The following CUBN variants were observed in gnomAD, a reference collection of about 807,000 sequenced individuals.
The protein encoded by CUBN is 460 kDa receptor.
In CUBN, 282 loss-of-function variants were observed where a neutral mutation model predicts 405.3. That is an observed-to-expected ratio of 0.70 (90% CI 0.63 to 0.77). CUBN has a LOEUF of 0.77. CUBN is among the 30% of genes least tolerant of loss of function. The probability of loss-of-function intolerance (pLI) is 0.00; values close to 1 mark genes in which losing one functional copy is unlikely to be tolerated. For synonymous variants in CUBN, 1,684 were observed against 1,617.0 expected (o/e 1.04, Z -0.99); for missense variants, 4,514 against 4,475.2 (o/e 1.01, Z -0.25).
rs1836356189 is a variant in CUBN at position 17,095,593 on chromosome 10, G to T, written c.1765+4412C>A. On this transcript the variant is annotated intron_variant, in intron 14 of 66. Transcript: ENST00000377833. ...TTGTTAGAATGGCCATTATCGAGAA[G>T]ATAAAAGACAACAAGTATTGATGAG... 2.0e-5 allele frequency among the ~76,000 whole-genome samples: 3 copies of T among 151,950 alleles called. No homozygotes were observed. In the South Asian group the frequency reaches 6.2e-4, roughly 31 times the overall value.
rs559594298 is a variant in CUBN at position 17,086,526 on chromosome 10, TA to T, written c.1948-768del. Among the ~76,000 whole-genome samples the T allele has an allele frequency of 3.7e-4, 56 of 152,284 alleles. 3 individuals are homozygous for T. In the South Asian group the frequency reaches 0.011, roughly 30 times the overall value. On this transcript the variant is annotated intron_variant, in intron 15 of 66. Transcript: ENST00000377833. ...CAACAGAAAGACAGGTTAGTGAATT[TA>T]AAAATGCAACTTTGATAGTAAGTAA...
At chr10:16,945,770 A>C (rs1250856458) in intron 36 of CUBN, among the ~76,000 whole-genome samples, 2 of 146,836 alleles carry the variant, frequency 1.4e-5, no homozygotes, top group African/African-American at 5.1e-5. Flanking sequence ...GTGTCTCCAA[A>C]AAAAAAAAAA....
chr10:16,969,727 G>T (rs577702068), intron 31 of CUBN, among the ~76,000 whole-genome samples: 1 of 152,200 alleles, frequency 6.6e-6, no homozygotes, highest in African/African-American at 2.4e-5. Context: ...GACACCAAGA[G>T]TAATGGCTGT....
In CUBN at chr10:17,111,005, T is replaced by C. The variant is rs1372338282; in HGVS notation, c.929A>G (p.Glu310Gly). Residue 310 changes from glutamate (E) to glycine (G), a missense_variant, in exon 9 of 67, where the codon GAG becomes GGG. Around this residue, in one of 5 missense-constraint regions of CUBN, gnomAD observed 1,448 missense variants for 1,388.0 expected, o/e 1.04. Transcript: ENST00000377833. ...GYICEDINECEINNGGCSVAP... is the reference protein window; with the variant it reads ...GYICEDINECGINNGGCSVAP... ...CACAGAACAGCCGCCGTTATTTATCTCACATTCATTGATATCTTCGCAAAT... is the reference window on the plus strand; with the variant it reads ...CACAGAACAGCCGCCGTTATTTATCCCACATTCATTGATATCTTCGCAAAT... 6.2e-7 allele frequency: 1 copy of C among 1,614,170 alleles called. No individual in the cohort carries two copies. The highest frequency in any genetic ancestry group is 8.5e-7 in the Non-Finnish European group (1 of 1,180,008).
chr10:17,006,047 G>T (rs1834014210), intron 28 of CUBN, among the ~76,000 whole-genome samples: 1 of 152,156 alleles, frequency 6.6e-6, no homozygotes, highest in African/African-American at 2.4e-5. Context: ...AGAGGCCTCA[G>T]GAGAAACCAA....
chr10:17,063,990 C>A (rs1835557355), intron 22 of CUBN, among the ~76,000 whole-genome samples: 1 of 152,182 alleles, frequency 6.6e-6, no homozygotes, highest in Non-Finnish European at 1.5e-5. Context: ...GATAAAACTA[C>A]AACAGCATGA....
At chr10:16,954,573 C>T in intron 31 of CUBN, 25 bp from the exon 32 acceptor site, 1 of 1,611,956 alleles carries the variant, frequency 6.2e-7, no homozygotes, top group Non-Finnish European at 8.5e-7. Context: ...ACAGGGCAAA[C>T]AGTGGTTCAG....
chr10:16,931,105 A>C (rs949443894), intron 40 of CUBN, among the ~76,000 whole-genome samples: 17 of 151,944 alleles, frequency 1.1e-4, no homozygotes, highest in African/African-American at 3.9e-4. Context: ...AAATACAAAA[A>C]AAAAAAAAAT....
intron 59 of CUBN, among the ~76,000 whole-genome samples, chr10:16,859,164 A>G (rs1309121591): frequency 2.6e-5 from 4 of 152,218 alleles, no homozygotes; most frequent in Non-Finnish European, 5.9e-5. Context: ...AAAGGCCAAT[A>G]TAAGGCAAGA....
intron 56 of CUBN, among the ~76,000 whole-genome samples, chr10:16,880,915 T>A (rs1465007002): frequency 6.6e-6 from 1 of 152,206 alleles, no homozygotes. Context: ...CCTTTTCATG[T>A]AATTAGAAGC....
At chr10:16,888,300 A>T in intron 56 of CUBN, 117 bp downstream of exon 56, 1 of 808,698 alleles carries the variant, frequency 1.2e-6, no homozygotes, top group Non-Finnish European at 2.1e-6. Flanking sequence ...CAGACATGTT[A>T]ATTAACTGGA....
chr10:16,841,460 CTGTTAAAA>C (rs1366048234), intron 60 of CUBN, among the ~76,000 whole-genome samples: 1 of 152,120 alleles, frequency 6.6e-6, no homozygotes, highest in African/African-American at 2.4e-5. Context: ...CGAGAGGATA[CTGTTAAAA>C]TGTAAGTCAC....
intron 59 of CUBN, among the ~76,000 whole-genome samples, chr10:16,867,024 T>C (rs1245199005): frequency 1.3e-5 from 2 of 152,186 alleles, no homozygotes; most frequent in Non-Finnish European, 2.9e-5. Context: ...TTGAAGCAGA[T>C]GTACATAAAA....
intron 21 of CUBN, 113 bp from the exon 22 acceptor site, chr10:17,065,751 C>T: frequency 8.0e-7 from 1 of 1,249,176 alleles, no homozygotes; most frequent in Non-Finnish European, 1.2e-6. Context: ...CTCTACCTCT[C>T]ATCAACCTTA....
At chr10:16,912,886 G>A (rs1343214593) in intron 48 of CUBN, among the ~76,000 whole-genome samples, 4 of 152,200 alleles carry the variant, frequency 2.6e-5, no homozygotes, top group Non-Finnish European at 4.4e-5. Flanking sequence ...AACATGATCC[G>A]ATTGAGGTTT....
intron 31 of CUBN, among the ~76,000 whole-genome samples, chr10:16,974,848 T>G (rs1475930568): frequency 2.0e-5 from 3 of 152,234 alleles, no homozygotes; most frequent in Non-Finnish European, 4.4e-5. Flanking sequence ...AACTTCCACT[T>G]AATAAATAGT....
chr10:17,065,695 G>A (rs553186324), intron 21 of CUBN, 57 bp from the exon 22 acceptor site: 3 of 1,603,090 alleles, frequency 1.9e-6, no homozygotes, highest in Non-Finnish European at 2.6e-6. Context: ...TACTGAAAAT[G>A]ATGTAACAAA....
chr10:17,029,263 T>C (rs1205826323), intron 27 of CUBN, among the ~76,000 whole-genome samples: 2 of 152,218 alleles, frequency 1.3e-5, no homozygotes, highest in African/African-American at 4.8e-5. Flanking sequence ...CATACGAAAA[T>C]CCTTCATTGT....
chr10:17,003,630 A>C (rs540598589), intron 28 of CUBN, among the ~76,000 whole-genome samples: 11 of 152,272 alleles, frequency 7.2e-5, no homozygotes, highest in African/African-American at 2.6e-4. Flanking sequence ...TCTGTATTTC[A>C]AAGTTATAAC....
Sources: allele counts gnomAD v4.1 joint callset (sites outside exome capture counted in the v4.1 genomes callset), GRCh38; gene constraint gnomAD v4.1.1; regional missense constraint gnomAD v4.1.1; transcripts MANE v1.5; gene names NCBI Gene and HGNC (gene_info 2026-07-23, HGNC 2026-07-21).